Variants in C8orf34 observed in about 807,000 individuals in gnomAD.
The protein encoded by C8orf34 is chromosome 8 open reading frame 34, also known as uncharacterized protein C8orf34.
C8orf34 carries 65 observed loss-of-function variants against 68.3 expected under a neutral mutation model. The observed-to-expected ratio is 0.95, with a 90% CI of 0.78 to 1.17. C8orf34 has a LOEUF of 1.17. C8orf34 is among the 50% of genes most tolerant of loss of function. The probability of loss-of-function intolerance (pLI) is 0.00; values close to 1 mark genes in which losing one functional copy is unlikely to be tolerated. For missense variants in C8orf34, 664 were observed against 655.4 expected (o/e 1.01, Z -0.14); for synonymous variants, 244 against 241.2 (o/e 1.01, Z -0.11).
intron 8 of C8orf34, among the ~76,000 whole-genome samples, chr8:68,697,463 C>A (rs542476393): frequency 6.6e-6 from 1 of 151,996 alleles, no homozygotes; most frequent in African/African-American, 2.4e-5. Context: ...GTCTTCTCTG[C>A]GTAGAATCTT....
intron 4 of C8orf34, among the ~76,000 whole-genome samples, chr8:68,473,720 G>A (rs1476908611): frequency 2.0e-5 from 3 of 152,146 alleles, no homozygotes; most frequent in Non-Finnish European, 2.9e-5. Flanking sequence ...AGTGCTCACT[G>A]TCTCTACTTG....
At chr8:68,636,758 T>C (rs1482513346) in intron 7 of C8orf34, among the ~76,000 whole-genome samples, 1 of 152,204 alleles carries the variant, frequency 6.6e-6, no homozygotes, top group African/African-American at 2.4e-5. Context: ...TTTTTCATCT[T>C]TTTTGTTGCA....
At chr8:68,756,822 T>A (rs528410741) in intron 10 of C8orf34, among the ~76,000 whole-genome samples, 22 of 152,292 alleles carry the variant, frequency 1.4e-4, no homozygotes, top group African/African-American at 5.3e-4. Flanking sequence ...ATTGTGTTGA[T>A]TGATATGATT....
At chr8:68,768,157 C>T (rs1223581386) in intron 10 of C8orf34, among the ~76,000 whole-genome samples, 1 of 152,070 alleles carries the variant, frequency 6.6e-6, no homozygotes, top group South Asian at 2.1e-4. Flanking sequence ...TCAAATTGTC[C>T]CATCTTTGGC....
rs1046551786 is a variant in C8orf34 at position 68,818,467 on chromosome 8, C to T, written c.*221C>T. 2 of 507,626 alleles carry T rather than the reference C, an allele frequency of 3.9e-6. No homozygotes were observed. The allele number at this position is 507,626 out of a possible 1,614,324, so 31.4% of individuals were successfully genotyped here. A position where few individuals can be genotyped will look rare whatever the true frequency, so the allele number is the denominator to read the frequency against. ...TGTGGGGTGGTCAGGAGGCCGGCTG[C>T]CTTTTGACATGGTTAGAGTCCTGGG... On this transcript the variant is annotated 3_prime_UTR_variant, in exon 14 of 14. Transcript: ENST00000518698.
At chr8:68,678,299 A>T (rs1193289751) in intron 8 of C8orf34, among the ~76,000 whole-genome samples, 5 of 152,180 alleles carry the variant, frequency 3.3e-5, no homozygotes, top group Non-Finnish European at 7.4e-5. Flanking sequence ...CAACAACTAT[A>T]CACCAATATC....
At chr8:68,709,138 A>G in intron 9 of C8orf34, 59 bp downstream of exon 9, 1 of 1,337,958 alleles carries the variant, frequency 7.5e-7, no homozygotes, top group South Asian at 1.3e-5. Flanking sequence ...AGATTAAAGA[A>G]GTAAAGGAAA....
At chr8:68,778,539 A>G (rs1215447966) in intron 11 of C8orf34, among the ~76,000 whole-genome samples, 1 of 152,174 alleles carries the variant, frequency 6.6e-6, no homozygotes, top group East Asian at 1.9e-4. Flanking sequence ...TCAAAAGTAA[A>G]GCTAAAATGG....
At chr8:68,791,612 C>A (rs951175673) in intron 12 of C8orf34, 3 of 152,302 alleles carry the variant, frequency 2.0e-5, no homozygotes, top group Admixed American at 1.3e-4. Context: ...ACCAAACCAA[C>A]AAAACAACAC....
chr8:68,743,411 C>T (rs973485031), intron 10 of C8orf34, among the ~76,000 whole-genome samples: 47 of 152,148 alleles, frequency 3.1e-4, no homozygotes, highest in African/African-American at 8.0e-4. Context: ...CCAGCATGAG[C>T]GACGCAGAAG....
At chr8:68,553,815 T>C (rs1224879879) in intron 7 of C8orf34, among the ~76,000 whole-genome samples, 1 of 152,134 alleles carries the variant, frequency 6.6e-6, no homozygotes, top group Non-Finnish European at 1.5e-5. Flanking sequence ...TTTGTTGATT[T>C]TTCTCTTCTC....
intron 8 of C8orf34, among the ~76,000 whole-genome samples, chr8:68,698,274 T>C (rs1388594669): frequency 2.0e-4 from 30 of 152,082 alleles, no homozygotes; most frequent in Admixed American, 2.0e-3. Flanking sequence ...ACTTGAACAT[T>C]TCAGTATACC....
chr8:68,430,460 C>A (rs1563432310), intron 1 of C8orf34, among the ~76,000 whole-genome samples: 1 of 152,102 alleles, frequency 6.6e-6, no homozygotes, highest in Non-Finnish European at 1.5e-5. Flanking sequence ...TTACTTATAG[C>A]CAATTGGTCA....
intron 7 of C8orf34, among the ~76,000 whole-genome samples, chr8:68,571,957 T>G (rs1816771048): frequency 6.6e-6 from 1 of 152,040 alleles, no homozygotes; most frequent in Non-Finnish European, 1.5e-5. Context: ...TATCATAGAG[T>G]GTACTTACAC....
intron 1 of C8orf34, among the ~76,000 whole-genome samples, chr8:68,432,636 A>AATC (rs1487290703): frequency 1.2e-4 from 19 of 152,244 alleles, no homozygotes; most frequent in Admixed American, 1.2e-3. Flanking sequence ...CTTCCATTGA[A>AATC]ATCACAGTTT....
At chr8:68,526,970 G>C (rs1453942201) in intron 6 of C8orf34, among the ~76,000 whole-genome samples, 1 of 152,190 alleles carries the variant, frequency 6.6e-6, no homozygotes, top group Non-Finnish European at 1.5e-5. Context: ...GGGAGGTTCT[G>C]TGGGGTGACC....
intron 1 of C8orf34, among the ~76,000 whole-genome samples, chr8:68,373,232 T>G (rs1173351777): frequency 6.6e-6 from 1 of 152,150 alleles, no homozygotes; most frequent in Non-Finnish European, 1.5e-5. Flanking sequence ...TGACCTCAGG[T>G]GATCTGCCTG....
At chr8:68,814,253 T>C (rs548531075) in intron 12 of C8orf34, among the ~76,000 whole-genome samples, 9 of 152,184 alleles carry the variant, frequency 5.9e-5, no homozygotes, top group Admixed American at 2.6e-4. Flanking sequence ...ATCCCAGATC[T>C]ACTGAATCAG....
chr8:68,330,403 G>A (rs574883068), upstream of C8orf34, among the ~76,000 whole-genome samples: 9 of 152,200 alleles, frequency 5.9e-5, no homozygotes, highest in East Asian at 1.2e-3. Flanking sequence ...TGGGTTCTCA[G>A]GCTGCGTTCA....
Sources: allele counts gnomAD v4.1 joint callset (sites outside exome capture counted in the v4.1 genomes callset), GRCh38; gene constraint gnomAD v4.1.1; transcripts MANE v1.5; gene names NCBI Gene and HGNC (gene_info 2026-07-23, HGNC 2026-07-21).